The following WDR70 variants were observed in gnomAD, a reference collection of about 807,000 sequenced individuals.
The protein encoded by WDR70 is WD repeat domain 70, also known as WD repeat-containing protein 70.
Under a neutral mutation model 88.6 loss-of-function variants are expected in WDR70, and 53 were observed. The observed-to-expected ratio is 0.60, with a 90% CI of 0.48 to 0.75. The LOEUF (loss-of-function observed/expected upper bound fraction) is 0.75. Ranked by LOEUF, WDR70 falls within the 30% of genes least tolerant of loss-of-function variation. The pLI is 0.00. For synonymous variants in WDR70, 280 were observed against 270.0 expected, an observed-to-expected ratio of 1.04 and a Z score of -0.36; for missense variants, 610 against 823.2, an observed-to-expected ratio of 0.74 and a Z score of 3.17.
intron 9 of WDR70, among the ~76,000 whole-genome samples, chr5:37,533,699 G>A (rs1172813265): frequency 2.0e-5 from 3 of 152,104 alleles, no homozygotes; most frequent in South Asian, 2.1e-4. Flanking sequence ...TGGGGGATGG[G>A]GGTGTGGTTC....
At chr5:37,538,916 A>C (rs1741739420) in intron 9 of WDR70, among the ~76,000 whole-genome samples, 1 of 152,230 alleles carries the variant, frequency 6.6e-6, no homozygotes, top group South Asian at 2.1e-4. Flanking sequence ...ACTATTTTCT[A>C]ATTTGAATTG....
intron 17 of WDR70, among the ~76,000 whole-genome samples, chr5:37,742,500 A>G (rs1748515429): frequency 6.6e-6 from 1 of 152,068 alleles, no homozygotes; most frequent in Admixed American, 6.5e-5. Flanking sequence ...TTTGTCAGGT[A>G]TATGATTTGC....
chr5:37,526,658 C>A (rs1225828545), intron 9 of WDR70, among the ~76,000 whole-genome samples: 6 of 152,006 alleles, frequency 3.9e-5, no homozygotes, highest in Admixed American at 6.6e-5. Flanking sequence ...GAAAGAAATA[C>A]AGGGTATTCA....
At chr5:37,751,738 G>T (rs568742191) in intron 17 of WDR70, among the ~76,000 whole-genome samples, 1 of 152,290 alleles carries the variant, frequency 6.6e-6, no homozygotes, top group East Asian at 1.9e-4. Flanking sequence ...ATGACCAAAA[G>T]GGGCAGACAT....
intron 10 of WDR70, among the ~76,000 whole-genome samples, chr5:37,608,857 C>A (rs1744108235): frequency 6.6e-6 from 1 of 152,182 alleles, no homozygotes; most frequent in East Asian, 1.9e-4. Context: ...CTGCACCTGG[C>A]CCTCTTTATT....
Position 37,463,056 on chromosome 5 carries a change from G to A in WDR70, c.687-16778G>A, listed in dbSNP as rs190002717. Among the ~76,000 whole-genome samples the A allele has an allele frequency of 7.9e-5, 12 of 152,038 alleles. No homozygotes were observed. The East Asian group carries it at 1.2e-3, about 15-fold the overall frequency. On this transcript the variant is annotated intron_variant, in intron 7 of 17. Transcript: ENST00000265107. The stretch of plus-strand genomic sequence containing the variant: ...TGGGAGGCCAAGGTGGGCGGAACAC[G>A]AGGTCAGGAGTTTGAGACCAGCCTG...
intron 10 of WDR70, among the ~76,000 whole-genome samples, chr5:37,656,453 C>T (rs1189115338): frequency 6.6e-6 from 1 of 152,236 alleles, no homozygotes; most frequent in African/African-American, 2.4e-5. Flanking sequence ...CAGTCTGTCC[C>T]TTAGCAGAGC....
At chr5:37,657,609 T>C (rs1281333238) in intron 10 of WDR70, among the ~76,000 whole-genome samples, 2 of 152,194 alleles carry the variant, frequency 1.3e-5, no homozygotes, top group African/African-American at 4.8e-5. Context: ...ACTAAACTTG[T>C]CTTGATTATG....
chr5:37,492,069 C>T (rs888094643), intron 8 of WDR70, among the ~76,000 whole-genome samples: 1 of 152,182 alleles, frequency 6.6e-6, no homozygotes, highest in African/African-American at 2.4e-5. Flanking sequence ...CTTCATTCAA[C>T]AGGGAAGTCA....
intron 10 of WDR70, among the ~76,000 whole-genome samples, chr5:37,686,075 G>A (rs371479930): frequency 1.7e-3 from 266 of 152,288 alleles, no homozygotes; most frequent in African/African-American, 6.2e-3. Context: ...AAGCCTAGGC[G>A]GGAAGATCGC....
chr5:37,520,588 A>G (rs973132814), intron 9 of WDR70, among the ~76,000 whole-genome samples: 1 of 152,130 alleles, frequency 6.6e-6, no homozygotes, highest in Non-Finnish European at 1.5e-5. Flanking sequence ...ATAATATAGC[A>G]TGACTAGGTA....
chr5:37,669,462 G>A (rs577771020), intron 10 of WDR70, among the ~76,000 whole-genome samples: 47 of 151,832 alleles, frequency 3.1e-4, no homozygotes, highest in Non-Finnish European at 5.0e-4. Flanking sequence ...GCCCAGGCTG[G>A]AGTGCAGTGG....
At chr5:37,622,140 G>A (rs1581442514) in intron 10 of WDR70, among the ~76,000 whole-genome samples, 1 of 152,024 alleles carries the variant, frequency 6.6e-6, no homozygotes, top group Admixed American at 6.6e-5. Context: ...AGCCAAAACA[G>A]CGGCTCATCA....
At chr5:37,601,018 A>G (rs1743866244) in intron 9 of WDR70, among the ~76,000 whole-genome samples, 1 of 152,124 alleles carries the variant, frequency 6.6e-6, no homozygotes, top group Non-Finnish European at 1.5e-5. Context: ...TCCTATTTGG[A>G]TAACTTATTT....
At chr5:37,391,203 T>A (rs1748808011) in intron 3 of WDR70, among the ~76,000 whole-genome samples, 1 of 152,238 alleles carries the variant, frequency 6.6e-6, no homozygotes, top group Non-Finnish European at 1.5e-5. Context: ...ATTATATTGC[T>A]ATGCAGTAAT....
chr5:37,409,679 A>G (rs1406251827), intron 5 of WDR70, among the ~76,000 whole-genome samples: 2 of 151,718 alleles, frequency 1.3e-5, no homozygotes, highest in African/African-American at 4.8e-5. Flanking sequence ...TAATTTTTGT[A>G]TTTTTAGTAG....
chr5:37,449,362 C>T (rs745934939), intron 7 of WDR70, among the ~76,000 whole-genome samples: 3 of 152,016 alleles, frequency 2.0e-5, no homozygotes, highest in Non-Finnish European at 2.9e-5. Flanking sequence ...GAGGCTGAGG[C>T]GGGCAGATCA....
intron 8 of WDR70, among the ~76,000 whole-genome samples, chr5:37,510,085 C>CA (rs1740678320): frequency 1.3e-5 from 2 of 150,428 alleles, no homozygotes; most frequent in African/African-American, 2.5e-5. Flanking sequence ...ACTCCCCCCC[C>CA]CAAAAAAAAA....
intron 8 of WDR70, among the ~76,000 whole-genome samples, chr5:37,487,600 AATATAT>A (rs70978824): frequency 0.41 from 34,859 of 84,514 alleles, 5,203 homozygotes; most frequent in East Asian, 0.64. Context: ...TGTATATATA[AATATAT>A]ATATATATAT....
Sources: allele counts gnomAD v4.1 joint callset (sites outside exome capture counted in the v4.1 genomes callset), GRCh38; gene constraint gnomAD v4.1.1; transcripts MANE v1.5; gene names NCBI Gene and HGNC (gene_info 2026-07-23, HGNC 2026-07-21).